Variants in GFPT1 observed in about 807,000 individuals in gnomAD.
GFPT1 encodes the protein glutamine--fructose-6-phosphate transaminase 1.
In GFPT1, 40 loss-of-function variants were observed where a neutral mutation model predicts 92.0. The observed-to-expected ratio is 0.43, with a 90% CI of 0.34 to 0.57. The LOEUF is 0.57. GFPT1 is among the 20% of genes least tolerant of loss of function. The probability of loss-of-function intolerance (pLI) is 0.02; values close to 1 mark genes in which losing one functional copy is unlikely to be tolerated. For missense variants in GFPT1, 448 were observed against 869.1 expected, an observed-to-expected ratio of 0.52 and a Z score of 6.09; for synonymous variants, 269 against 280.6, an observed-to-expected ratio of 0.96 and a Z score of 0.41.
At chr2:69,355,301 C>T (rs932443593) in intron 7 of GFPT1, among the ~76,000 whole-genome samples, 1 of 152,064 alleles carries the variant, frequency 6.6e-6, no homozygotes, top group Admixed American at 6.6e-5. Context: ...TGATCTGGAA[C>T]TCCTGGGGTC....
At position 69,372,784 on chromosome 2, in the gene GFPT1, A is replaced by G. The variant is rs569442517; in HGVS notation, c.115+1222T>C. Among the ~76,000 whole-genome samples, 15 of 152,342 alleles carry G rather than the reference A, an allele frequency of 9.8e-5. No homozygotes were observed. The South Asian group carries it at 2.3e-3, about 23-fold the overall frequency. On this transcript the variant is annotated intron_variant, in intron 2 of 19. Coordinates refer to ENST00000357308, the MANE Select transcript of GFPT1 (RefSeq NM_001244710.2). ...GGAAAGTCAAGGAAGACAAATGTCC[A>G]TTCCATGTGGCAATGTTAAGTGTAC...
At chr2:69,364,485 T>A (rs960778829) in intron 3 of GFPT1, among the ~76,000 whole-genome samples, 1 of 152,262 alleles carries the variant, frequency 6.6e-6, no homozygotes, top group Non-Finnish European at 1.5e-5. Flanking sequence ...TCATTATCAA[T>A]TTAATTAAAC....
intron 14 of GFPT1, among the ~76,000 whole-genome samples, 165 bp downstream of exon 14, chr2:69,338,280 C>A (rs1214176138): frequency 6.6e-6 from 1 of 152,106 alleles, no homozygotes; most frequent in African/African-American, 2.4e-5. Context: ...AAAAGGTGTT[C>A]ATTTTTACTA....
At chr2:69,335,196 A>G (rs1049769361) in intron 15 of GFPT1, among the ~76,000 whole-genome samples, 49 of 151,890 alleles carry the variant, frequency 3.2e-4, no homozygotes, top group Admixed American at 2.7e-3. Flanking sequence ...TTATAGAGAT[A>G]AGGTCTCACT....
At chr2:69,358,624 A>C (rs2104656265) in intron 5 of GFPT1, among the ~76,000 whole-genome samples, 161 bp from the exon 6 acceptor site, 1 of 152,348 alleles carries the variant, frequency 6.6e-6, no homozygotes, top group Admixed American at 6.5e-5. Context: ...CAGTGACTCT[A>C]AAACAGTGTG....
At chr2:69,327,139 C>T (rs2104595794) in intron 18 of GFPT1, 64 bp from the exon 19 acceptor site, 1 of 1,477,372 alleles carries the variant, frequency 6.8e-7, no homozygotes, top group South Asian at 1.1e-5. Flanking sequence ...CTATAGCTTA[C>T]GAATGTGCAA....
chr2:69,334,616 G>A (rs1216077235), intron 15 of GFPT1: 2 of 152,072 alleles, frequency 1.3e-5, no homozygotes, highest in African/African-American at 4.8e-5. Flanking sequence ...TCCAATAGTG[G>A]GTCACTAGAA....
chr2:69,380,192 T>G (rs1472186318), intron 1 of GFPT1, among the ~76,000 whole-genome samples: 1 of 151,796 alleles, frequency 6.6e-6, no homozygotes, highest in Non-Finnish European at 1.5e-5. Flanking sequence ...ACAAAATTCC[T>G]AGCCAGGCAT....
intron 2 of GFPT1, among the ~76,000 whole-genome samples, chr2:69,373,689 A>T (rs1671805042): frequency 6.6e-6 from 1 of 152,172 alleles, no homozygotes; most frequent in Non-Finnish European, 1.5e-5. Context: ...AAATCAATGG[A>T]TAAAAATTAA....
intron 9 of GFPT1, among the ~76,000 whole-genome samples, chr2:69,351,586 T>A (rs562502282): frequency 5.3e-5 from 8 of 152,324 alleles, no homozygotes; most frequent in East Asian, 3.9e-4. Flanking sequence ...TATTGAAATA[T>A]ACACCACATA....
At chr2:69,341,291 A>C (rs1670946696) in intron 13 of GFPT1, among the ~76,000 whole-genome samples, 1 of 152,034 alleles carries the variant, frequency 6.6e-6, no homozygotes, top group Non-Finnish European at 1.5e-5. Context: ...CTTCAACATT[A>C]CATAGACTTT....
Position 69,328,343 on chromosome 2 carries a change from C to G in GFPT1, c.1821G>C (p.Val607=). 2 of 1,613,322 alleles carry G rather than the reference C, an allele frequency of 1.2e-6. No individual in the cohort carries two copies. The highest frequency in any genetic ancestry group is 1.7e-6 in the Non-Finnish European group (2 of 1,179,320). Residue 607 remains valine, a synonymous_variant, in exon 18 of 20, where the codon GTG becomes GTC. Coordinates refer to ENST00000357308, the MANE Select transcript of GFPT1 (RefSeq NM_001244710.2). ...PLALVDKLMP[V]IMIIMRDHTY... is the part of the protein sequence containing the mutation. ...TGTGATCTCTCATGATGATCATGAT[C>G]ACAGGCATCAATTTATCCACCAAAG... is the stretch of plus-strand genomic sequence containing the variant.
intron 2 of GFPT1, among the ~76,000 whole-genome samples, chr2:69,372,290 C>T (rs531558328): frequency 2.2e-4 from 33 of 151,572 alleles, no homozygotes; most frequent in African/African-American, 7.3e-4. Flanking sequence ...AGAATATTGG[C>T]TGGGTGCAGT....
At chr2:69,334,996 G>A (rs1670757831) in intron 15 of GFPT1, among the ~76,000 whole-genome samples, 1 of 151,960 alleles carries the variant, frequency 6.6e-6, no homozygotes, top group Non-Finnish European at 1.5e-5. Context: ...GTATACCAAT[G>A]CTAATGTAAA....
intron 15 of GFPT1, among the ~76,000 whole-genome samples, chr2:69,331,912 T>G (rs1670672627): frequency 6.6e-6 from 1 of 152,210 alleles, no homozygotes; most frequent in Non-Finnish European, 1.5e-5. Flanking sequence ...TCTCAAATAT[T>G]TTTTCTCATC....
rs938805565 is a variant in GFPT1 at position 69,359,585 on chromosome 2, G to A, written c.350-259C>T. Among the ~76,000 whole-genome samples the A allele has an allele frequency of 3.3e-5, 5 of 152,180 alleles. No individual in the cohort carries two copies. The South Asian group carries it at 1.0e-3, about 32-fold the overall frequency. ...AGTAGGGAAATAAACAGGAAGTCTAGAGATAACAATTTCAGTTGTGGCTAA... is the reference window on the plus strand; with the variant it reads ...AGTAGGGAAATAAACAGGAAGTCTAAAGATAACAATTTCAGTTGTGGCTAA... On this transcript the variant is annotated intron_variant, in intron 4 of 19. Coordinates refer to ENST00000357308, the MANE Select transcript of GFPT1 (RefSeq NM_001244710.2).
intron 4 of GFPT1, 41 bp downstream of exon 4, chr2:69,363,504 G>C: frequency 6.3e-7 from 1 of 1,592,802 alleles, no homozygotes; most frequent in Non-Finnish European, 8.6e-7. Context: ...CCATTATTAG[G>C]TTTCCACAAT....
intron 3 of GFPT1, among the ~76,000 whole-genome samples, chr2:69,363,931 A>T (rs540339837): frequency 1.3e-5 from 2 of 152,274 alleles, no homozygotes; most frequent in East Asian, 3.9e-4. Context: ...TCTGGCCAAC[A>T]TGGGGAAACC....
Position 69,369,856 on chromosome 2 carries a change from C to T in GFPT1, c.223+145G>A, listed in dbSNP as rs950571858. 4 of 689,428 alleles carry T rather than the reference C, an allele frequency of 5.8e-6. No homozygotes were observed. In the African/African-American group the frequency reaches 7.1e-5, roughly 12 times the overall value. The allele number at this position is 689,428 out of a possible 1,614,324, so 42.7% of individuals were successfully genotyped here. A position where few individuals can be genotyped will look rare whatever the true frequency, so the allele number is the denominator to read the frequency against. On this transcript the variant is annotated intron_variant, in intron 3 of 19. Transcript: ENST00000357308. ...ACTAGTCCAGACAGTAACAAAACTA[C>T]TTTTCTTTCCTCCCTTCAATGTTAC...
Sources: gnomAD v4.1 joint callset for allele counts (sites outside exome capture counted in the v4.1 genomes callset) on GRCh38, gnomAD v4.1.1 for gene constraint, MANE v1.5 for transcripts, NCBI Gene and HGNC (gene_info 2026-07-23, HGNC 2026-07-21) for gene names.